PPM1B: variants seen among roughly 807,000 people sequenced by gnomAD.
The protein encoded by PPM1B is protein phosphatase, Mg2+/Mn2+ dependent 1B.
In PPM1B, 22 loss-of-function variants were observed where a neutral mutation model predicts 43.0. The observed-to-expected ratio is 0.51, with a 90% CI of 0.37 to 0.73. The LOEUF (loss-of-function observed/expected upper bound fraction) is 0.73, where lower values mean the gene tolerates loss of function less well. PPM1B is among the 30% of genes least tolerant of loss of function. The pLI is 0.00. For missense variants in PPM1B, 632 were observed against 584.2 expected, an observed-to-expected ratio of 1.08 and a Z score of -0.84; for synonymous variants, 217 against 197.9, an observed-to-expected ratio of 1.10 and a Z score of -0.81.
intron 1 of PPM1B, among the ~76,000 whole-genome samples, chr2:44,177,665 G>A (rs567393428): frequency 4.1e-4 from 62 of 151,790 alleles, no homozygotes; most frequent in Non-Finnish European, 4.7e-4. Flanking sequence ...AGATCTGCCC[G>A]CCTCGGCCTC....
rs556526163 is a variant in PPM1B at position 44,208,246 on chromosome 2, A to G, written c.847-964A>G. ...GGTGTGGTTAAAAGGGAGAAATAAA[A>G]TATGTCCTTAAATTAGCTATTTTAG... On this transcript the variant is annotated intron_variant, in intron 2 of 5. Coordinates refer to ENST00000282412, the MANE Select transcript of PPM1B (RefSeq NM_002706.6). Among the ~76,000 whole-genome samples, 3 of 152,316 alleles carry G rather than the reference A, an allele frequency of 2.0e-5. No individual in the cohort carries two copies. The South Asian group carries it at 6.2e-4, about 32-fold the overall frequency.
At chr2:44,240,452 TA>T (rs1670720780) in intron 5 of PPM1B, among the ~76,000 whole-genome samples, 1 of 146,204 alleles carries the variant, frequency 6.8e-6, no homozygotes, top group Non-Finnish European at 1.5e-5. Flanking sequence ...CTGTAATGAT[TA>T]TTTTTTTCCC....
At chr2:44,210,693 C>G (rs1357484041) in intron 3 of PPM1B, among the ~76,000 whole-genome samples, 1 of 152,122 alleles carries the variant, frequency 6.6e-6, no homozygotes, top group African/African-American at 2.4e-5. Flanking sequence ...TTCCTTCCCT[C>G]TCCACCTCTC....
intron 1 of PPM1B, among the ~76,000 whole-genome samples, chr2:44,191,691 A>G (rs1335937947): frequency 2.0e-5 from 3 of 151,916 alleles, no homozygotes; most frequent in African/African-American, 7.3e-5. Context: ...ATATATGTGA[A>G]AATTTCTCTG....
chr2:44,222,469 C>G (rs747551383), intron 5 of PPM1B, among the ~76,000 whole-genome samples: 1 of 152,128 alleles, frequency 6.6e-6, no homozygotes, highest in Non-Finnish European at 1.5e-5. Context: ...TGCCACTGAT[C>G]AAGTAGTTGC....
At chr2:44,229,214 G>A (rs908411041) in intron 5 of PPM1B, among the ~76,000 whole-genome samples, 4 of 150,494 alleles carry the variant, frequency 2.7e-5, no homozygotes, top group Non-Finnish European at 5.9e-5. Flanking sequence ...ACATTTTTCT[G>A]TATAACCATA....
At chr2:44,195,847 C>T (rs1185843691) in intron 1 of PPM1B, among the ~76,000 whole-genome samples, 2 of 152,150 alleles carry the variant, frequency 1.3e-5, no homozygotes, top group Non-Finnish European at 2.9e-5. Flanking sequence ...GTAGCTCTGC[C>T]TGGGAAACCA....
chr2:44,213,037 C>G (rs1262665255), intron 3 of PPM1B, among the ~76,000 whole-genome samples: 1 of 147,440 alleles, frequency 6.8e-6, no homozygotes, highest in African/African-American at 2.5e-5. Context: ...AAAAAAATTC[C>G]ATTTAGTAAA....
downstream of PPM1B, chr2:44,233,449 G>A: frequency 2.0e-6 from 2 of 983,338 alleles, no homozygotes; most frequent in Non-Finnish European, 1.2e-6. Context: ...AGTTTTGCAT[G>A]TATTAAATTC....
intron 1 of PPM1B, among the ~76,000 whole-genome samples, chr2:44,184,919 A>T (rs745790466): frequency 6.6e-6 from 1 of 150,408 alleles, no homozygotes; most frequent in Non-Finnish European, 1.5e-5. Flanking sequence ...GTATCTTAAA[A>T]TATTATTAAA....
intron 3 of PPM1B, among the ~76,000 whole-genome samples, chr2:44,212,283 C>G (rs760740721): frequency 6.6e-6 from 1 of 152,284 alleles, no homozygotes; most frequent in East Asian, 1.9e-4. Context: ...TTATAACTCT[C>G]TTCTACAGAA....
intron 5 of PPM1B, chr2:44,219,119 G>A (rs530650922): frequency 6.1e-6 from 1 of 164,210 alleles, no homozygotes; most frequent in East Asian, 1.9e-4. Flanking sequence ...GCTTTTCTTC[G>A]AAATGTCAGT....
chr2:44,244,136 C>A, intron 5 of PPM1B: 1 of 566,558 alleles, frequency 1.8e-6, no homozygotes, highest in Non-Finnish European at 2.4e-6. Context: ...CCTTCTTAGA[C>A]AACTAGTTTT....
rs533783985 is a variant in PPM1B at position 44,226,824 on chromosome 2, G to A, written c.1135-3589G>A. The stretch of plus-strand genomic sequence containing the variant: ...CATTAAAAGGTCTTTGTGATATACC[G>A]TAAAGTAGAAAATTTCCTCTTAAAG... On this transcript the variant is annotated intron_variant, in intron 5 of 5. Transcript: ENST00000282412. Among the ~76,000 whole-genome samples, 258 of 141,008 alleles carry A rather than the reference G, an allele frequency of 1.8e-3. 2 individuals are homozygous for A. Among genetic ancestry groups the A allele is most frequent in the Non-Finnish European group, 2.9e-3 (190 of 66,612 alleles). 92.5% of individuals were successfully genotyped at this position (141,008 alleles called of 152,430 possible). A position where few individuals can be genotyped will look rare whatever the true frequency, so the allele number is the denominator to read the frequency against.
intron 3 of PPM1B, among the ~76,000 whole-genome samples, chr2:44,210,656 A>C (rs1669418522): frequency 6.6e-6 from 1 of 152,058 alleles, no homozygotes; most frequent in Non-Finnish European, 1.5e-5. Flanking sequence ...TTTCTGTAAC[A>C]TTCTCATTTT....
At chr2:44,234,519 AAAAAAAAAAAAAAG>A (rs1403695991), downstream of PPM1B, 2 of 674,110 alleles carry the variant, frequency 3.0e-6, no homozygotes, top group African/African-American at 4.5e-5. Context: ...CTCCGTCTCA[AAAAAAAAAAAAAAG>A]AAAAAAAAAA....
At chr2:44,183,137 C>G (rs374569058) in intron 1 of PPM1B, among the ~76,000 whole-genome samples, 3 of 152,344 alleles carry the variant, frequency 2.0e-5, no homozygotes, top group East Asian at 3.9e-4. Context: ...TGCACAAATG[C>G]TAATACCACT....
chr2:44,194,739 C>G (rs1269016351), intron 1 of PPM1B, among the ~76,000 whole-genome samples: 1 of 151,964 alleles, frequency 6.6e-6, no homozygotes, highest in African/African-American at 2.4e-5. Context: ...AAGAAGAAGG[C>G]TGAGCAGGCT....
chr2:44,210,348 AG>A (rs1669401915), intron 3 of PPM1B, among the ~76,000 whole-genome samples: 1 of 151,482 alleles, frequency 6.6e-6, no homozygotes. Context: ...TCTCCCAAGT[AG>A]CTGGAACTAC....
Sources: allele counts gnomAD v4.1 joint callset (sites outside exome capture counted in the v4.1 genomes callset), GRCh38; gene constraint gnomAD v4.1.1; transcripts MANE v1.5; gene names NCBI Gene and HGNC (gene_info 2026-07-23, HGNC 2026-07-21).